TACC2: variants seen among roughly 807,000 people sequenced by gnomAD.
The protein encoded by TACC2 is transforming acidic coiled-coil-containing protein 2.
Under a neutral mutation model 227.3 loss-of-function variants are expected in TACC2, and 137 were observed. The observed-to-expected ratio is 0.60, with a 90% CI of 0.52 to 0.69. The LOEUF is 0.69. Among genes scored for constraint, TACC2 ranks in the 30% least tolerant of loss-of-function variants. TACC2 has a pLI of 0.00. For missense variants in TACC2, 3,470 were observed against 3,694.4 expected (o/e 0.94, Z 1.57); for synonymous variants, 1,523 against 1,487.5 (o/e 1.02, Z -0.55).
At chr10:122,155,546 T>C (rs2092406031) in intron 7 of TACC2, among the ~76,000 whole-genome samples, 1 of 152,200 alleles carries the variant, frequency 6.6e-6, no homozygotes, top group South Asian at 2.1e-4. Flanking sequence ...CCTAGACAGA[T>C]ACAGTCACCT....
chr10:122,154,007 C>T (rs918927186), intron 7 of TACC2, among the ~76,000 whole-genome samples: 4 of 152,174 alleles, frequency 2.6e-5, no homozygotes, highest in Middle Eastern at 3.2e-3. Flanking sequence ...GACTGGGGAC[C>T]GGCTCTGGGC....
intron 6 of TACC2, among the ~76,000 whole-genome samples, chr10:122,132,967 G>C (rs2088675068): frequency 6.6e-6 from 1 of 152,126 alleles, no homozygotes; most frequent in Non-Finnish European, 1.5e-5. Flanking sequence ...CGTTTCCCCT[G>C]TCCCGGCCCC....
intron 13 of TACC2, 27 bp downstream of exon 13, chr10:122,226,508 C>T: frequency 6.6e-7 from 1 of 1,508,468 alleles, no homozygotes; most frequent in Admixed American, 1.7e-5. Context: ...GAGAGAGTTA[C>T]ACATCATGCT....
chr10:122,082,712 G>A lies in TACC2; in HGVS notation c.212G>A (p.Cys71Tyr), dbSNP rs2079662181. 1 of 1,614,108 alleles carries A rather than the reference G, an allele frequency of 6.2e-7. No individual in the cohort carries two copies. ...ASESSASLDP[C>Y]LVSPEVTEPR... The stretch of plus-strand genomic sequence containing the variant: ...GAGAGTTCTGCCAGCCTGGATCCAT[G>A]CCTTGTGTCCCCAGAGGTGACTGAG... Residue 71 changes from cysteine to tyrosine, a missense_variant, in exon 4 of 23, where the codon TGC (cysteine) becomes TAC (tyrosine). Physicochemically the swap from Cys to Tyr is radical, Grantham distance 194 (BLOSUM62 -2). This residue lies in a region of TACC2 where 405 missense variants were observed against 389.6 expected (regional missense o/e 1.04). Transcript: ENST00000369005.
At chr10:122,168,355 T>G (rs1188444657) in intron 7 of TACC2, among the ~76,000 whole-genome samples, 1 of 152,156 alleles carries the variant, frequency 6.6e-6, no homozygotes, top group Non-Finnish European at 1.5e-5. Context: ...ACAATAGAGT[T>G]TTTTCTCCCC....
intron 12 of TACC2, among the ~76,000 whole-genome samples, chr10:122,225,398 T>A (rs2095607559): frequency 6.6e-6 from 1 of 152,222 alleles, no homozygotes; most frequent in Non-Finnish European, 1.5e-5. Context: ...GGTTACTGCT[T>A]CCAAACTGCA....
chr10:122,203,338 C>A lies in TACC2; in HGVS notation c.5972-7059C>A, dbSNP rs1327636421. Reference sequence around the variant, plus strand: ...GCCGGGCAGAGGCGCCCCTCACTTCCCGGATGGGGCGGCTGGCCGGGCAGG... The same window carrying A: ...GCCGGGCAGAGGCGCCCCTCACTTCACGGATGGGGCGGCTGGCCGGGCAGG... On this transcript the variant is annotated intron_variant, in intron 8 of 22. Coordinates refer to ENST00000369005, the MANE Select transcript of TACC2 (RefSeq NM_206862.4). 6.5e-5 allele frequency among the ~76,000 whole-genome samples: 9 copies of A among 138,020 alleles called. No homozygotes were observed. In the South Asian group the frequency reaches 1.9e-3, roughly 30 times the overall value. The allele number at this position is 138,020 out of a possible 152,430, so 90.5% of individuals were successfully genotyped here. A position where few individuals can be genotyped will look rare whatever the true frequency, so the allele number is the denominator to read the frequency against.
intron 7 of TACC2, among the ~76,000 whole-genome samples, chr10:122,191,589 G>A (rs1421707920): frequency 6.6e-6 from 1 of 152,188 alleles, no homozygotes; most frequent in Non-Finnish European, 1.5e-5. Flanking sequence ...CGCATTCAAA[G>A]CTGTCCTGGG....
intron 3 of TACC2, among the ~76,000 whole-genome samples, chr10:122,070,321 G>T (rs1404019986): frequency 6.6e-6 from 1 of 152,156 alleles, no homozygotes; most frequent in Non-Finnish European, 1.5e-5. Flanking sequence ...ATCAAGAAGG[G>T]ATATAGACTG....
rs1328522992 is a variant in TACC2, at chr10:122,205,665, C to T, written c.5972-4732C>T. The stretch of plus-strand genomic sequence containing the variant: ...CCTGTGGCACCTGTTACGATGGGGG[C>T]CCTGAGCCCCCACCCCAGCCCTGCA... On this transcript the variant is annotated intron_variant, in intron 8 of 22. Transcript: ENST00000369005. This position sits in a 1 kb window ranked among gnomAD's most constrained non-coding sequence, Gnocchi z 4.5. Among the ~76,000 whole-genome samples, 1 of 152,206 alleles carries T rather than the reference C, an allele frequency of 6.6e-6. No individual in the cohort carries two copies. The highest frequency in any genetic ancestry group is 1.5e-5 in the Non-Finnish European group (1 of 68,044).
chr10:122,041,998 T>G (rs954174445), intron 2 of TACC2, among the ~76,000 whole-genome samples: 2 of 152,176 alleles, frequency 1.3e-5, no homozygotes, highest in Admixed American at 6.5e-5. Context: ...CAGGCTGGAG[T>G]GCAGTGGCGC....
chr10:122,193,013 G>A (rs2094461163), intron 7 of TACC2, among the ~76,000 whole-genome samples: 1 of 152,218 alleles, frequency 6.6e-6, no homozygotes, highest in Non-Finnish European at 1.5e-5. Context: ...ATCTGTTGTT[G>A]TGCAAGTGCG....
chr10:122,122,789 C>G (rs2086102564), intron 5 of TACC2, among the ~76,000 whole-genome samples: 1 of 152,170 alleles, frequency 6.6e-6, no homozygotes, highest in Non-Finnish European at 1.5e-5. Context: ...CGCACAACAC[C>G]TGGCAAACAG....
At chr10:122,159,352 G>A (rs940548216) in intron 7 of TACC2, among the ~76,000 whole-genome samples, 1 of 152,218 alleles carries the variant, frequency 6.6e-6, no homozygotes, top group Non-Finnish European at 1.5e-5. Context: ...TGACACCTGG[G>A]TGGAGAAAGC....
intron 17 of TACC2, 65 bp downstream of exon 17, chr10:122,237,603 A>G: frequency 6.4e-7 from 1 of 1,557,342 alleles, no homozygotes; most frequent in Non-Finnish European, 8.7e-7. Context: ...CTCGTGGTCC[A>G]CAAAGCCAGA....
At chr10:122,002,376 A>G (rs993726819) in intron 1 of TACC2, among the ~76,000 whole-genome samples, 1 of 152,038 alleles carries the variant, frequency 6.6e-6, no homozygotes, top group Non-Finnish European at 1.5e-5. Context: ...GTTTGCTAGT[A>G]TGTTTTTCAA....
chr10:122,203,580 T>A (rs1286542095), intron 8 of TACC2, among the ~76,000 whole-genome samples: 1 of 142,024 alleles, frequency 7.0e-6, no homozygotes, highest in Non-Finnish European at 1.5e-5. Context: ...GCAGAGGTGC[T>A]CCCCACATCT....
At chr10:122,088,621 C>T (rs1436051008) in intron 5 of TACC2, 30 bp downstream of exon 5, 2 of 1,602,362 alleles carry the variant, frequency 1.2e-6, no homozygotes, top group East Asian at 2.2e-5. Flanking sequence ...CTTTGGAAGG[C>T]CATGATGCCT....
chr10:122,081,666 C>T (rs1432851149), intron 3 of TACC2, among the ~76,000 whole-genome samples: 1 of 152,070 alleles, frequency 6.6e-6, no homozygotes, highest in African/African-American at 2.4e-5. Flanking sequence ...GAGCCAAGTT[C>T]CCCCAAGTTC....
Sources: allele counts gnomAD v4.1 joint callset (sites outside exome capture counted in the v4.1 genomes callset), GRCh38; gene constraint gnomAD v4.1.1; regional missense constraint gnomAD v4.1.1; non-coding constraint Gnocchi (gnomAD v3.1); transcripts MANE v1.5; gene names NCBI Gene and HGNC (gene_info 2026-07-23, HGNC 2026-07-21).